ZNF211: variants seen among roughly 807,000 people sequenced by gnomAD.
ZNF211 encodes zinc finger protein 211, also known as zinc finger protein C2H2-25.
ZNF211 carries 18 observed loss-of-function variants against 12.1 expected under a neutral mutation model. The observed-to-expected ratio is 1.48, with a 90% confidence interval of 1.03 to 2.20. The LOEUF is 2.20. Among genes scored for constraint, ZNF211 ranks in the 30% most tolerant of loss-of-function variants. The pLI is 0.00. For synonymous variants in ZNF211, 249 were observed against 246.0 expected (o/e 1.01, Z -0.11); for missense variants, 677 against 703.1 (o/e 0.96, Z 0.42).
In ZNF211 at chr19:57,641,632, T is replaced by C. The variant is rs3746218; in HGVS notation, c.1185T>C (p.Phe395=). The change falls in exon 4 of 4, where the codon TTT becomes TTC. Residue 395 remains phenylalanine, a synonymous_variant. Transcript: ENST00000240731. Reference sequence around the variant, plus strand: ...GTGGGAAATCTTTTAGCCAAAACTTTAGCCTGATCTACCACCAGAGAGTTC... The same window carrying C: ...GTGGGAAATCTTTTAGCCAAAACTTCAGCCTGATCTACCACCAGAGAGTTC... The part of the protein sequence containing the change: ...SECGKSFSQN[F]SLIYHQRVHT... 0.16 allele frequency: 258,671 copies of C among 1,613,500 alleles called. 21,740 individuals are homozygous for C. Among genetic ancestry groups the C allele is most frequent in the East Asian group, 0.3 (13,338 of 44,802 alleles).
chr19:57,633,260 G>A lies in ZNF211; in HGVS notation c.-87G>A, dbSNP rs766394224. ...TCAGCCGCTTTGGTACGCTGCATCG[G>A]GATCGAAGTGACGGACCGTGAAGGC... On this transcript the variant is annotated 5_prime_UTR_variant, in exon 1 of 4. Coordinates refer to ENST00000240731, the MANE Select transcript of ZNF211 (RefSeq NM_006385.5). The A allele has an allele frequency of 6.1e-5, 78 of 1,284,044 alleles. No individual in the cohort carries two copies. The highest frequency in any genetic ancestry group is 7.7e-5 in the Non-Finnish European group (74 of 957,958). 79.5% of individuals were successfully genotyped at this position (1,284,044 alleles called of 1,614,324 possible).
chr19:57,641,350 T>A lies in ZNF211; in HGVS notation c.903T>A (p.Asn301Lys). 4 of 1,614,080 alleles carry A rather than the reference T, an allele frequency of 2.5e-6. No individual in the cohort carries two copies. The highest frequency in any genetic ancestry group is 2.2e-5 in the East Asian group (1 of 44,882). The change falls in exon 4 of 4, where the codon AAT (asparagine) becomes AAA (lysine). Residue 301 changes from asparagine to lysine, a missense_variant. Coordinates refer to ENST00000240731, the MANE Select transcript of ZNF211 (RefSeq NM_006385.5). Reference protein sequence around the residue: ...VHSEERPYECNECGKFFTYYS... With the variant: ...VHSEERPYECKECGKFFTYYS... ...GTGAAGAAAGGCCTTATGAATGCAA[T>A]GAATGTGGAAAATTCTTTACCTACT...
intron 3 of ZNF211, among the ~76,000 whole-genome samples, chr19:57,637,574 T>A (rs1982301084): frequency 6.6e-6 from 1 of 152,196 alleles, no homozygotes; most frequent in South Asian, 2.1e-4. Flanking sequence ...TGTTGAACCA[T>A]CCTTGCATTC....
At position 57,641,564 on chromosome 19, in the gene ZNF211, C is replaced by T. The variant is rs766356848; in HGVS notation, c.1117C>T (p.Arg373Cys). ...FSQRSNLMQH[R>C]RVHTGERPYE... Reference sequence around the variant, plus strand: ...CCAAAGGTCCAACCTCATGCAGCATCGCAGAGTTCACACTGGAGAAAGGCC... The same window carrying T: ...CCAAAGGTCCAACCTCATGCAGCATTGCAGAGTTCACACTGGAGAAAGGCC... The change falls in exon 4 of 4, where the codon CGC (arginine) becomes TGC (cysteine). Residue 373 changes from arginine (R) to cysteine (C), a missense_variant. Coordinates refer to ENST00000240731, the MANE Select transcript of ZNF211 (RefSeq NM_006385.5). The T allele has an allele frequency of 8.1e-6, 13 of 1,613,698 alleles. No individual in the cohort carries two copies. Among genetic ancestry groups the T allele is most frequent in the African/African-American group, 2.7e-5 (2 of 74,780 alleles).
intron 3 of ZNF211, among the ~76,000 whole-genome samples, chr19:57,636,191 G>A (rs760852909): frequency 1.5e-4 from 23 of 151,940 alleles, no homozygotes; most frequent in Non-Finnish European, 3.4e-4. Context: ...TATTCTGTGG[G>A]TTACGTTTTT....
chr19:57,639,201 G>A (rs1237255837), intron 3 of ZNF211, among the ~76,000 whole-genome samples: 2 of 151,922 alleles, frequency 1.3e-5, no homozygotes, highest in Non-Finnish European at 2.9e-5. Flanking sequence ...TAAGCTAAAA[G>A]TTGGGAGCAT....
chr19:57,633,608 G>A (rs1042061138), intron 1 of ZNF211, 172 bp downstream of exon 1: 16 of 1,529,786 alleles, frequency 1.0e-5, no homozygotes, highest in Admixed American at 2.0e-5. Flanking sequence ...GGACCGGCGC[G>A]TGCAGGGCTT....
chr19:57,641,698 A>G lies in ZNF211; in HGVS notation c.1251A>G (p.Lys417=). Residue 417 remains lysine, a synonymous_variant, in exon 4 of 4, where the codon AAA becomes AAG. Coordinates refer to ENST00000240731, the MANE Select transcript of ZNF211 (RefSeq NM_006385.5). Reference sequence around the variant, plus strand: ...CTCATGAGTGCAATGAATGTGGAAAATCCTTTAGCCGAAGCTCCAGCCTCA... The same window carrying G: ...CTCATGAGTGCAATGAATGTGGAAAGTCCTTTAGCCGAAGCTCCAGCCTCA... ...ERPHECNECG[K]SFSRSSSLIH... 1 of 1,614,102 alleles carries G rather than the reference A, an allele frequency of 6.2e-7. No homozygotes were observed. Among genetic ancestry groups the G allele is most frequent in the African/African-American group, 1.3e-5 (1 of 75,016 alleles).
chr19:57,634,499 G>T, intron 2 of ZNF211, 130 bp from the exon 3 acceptor site: 1 of 1,114,896 alleles, frequency 9.0e-7, no homozygotes, highest in East Asian at 2.7e-5. Context: ...AGAGACAGCA[G>T]GGATCAATGA....
In ZNF211 at chr19:57,643,227, T is replaced by C. The variant is rs1331589693; in HGVS notation, c.*1046T>C. 6.6e-6 allele frequency among the ~76,000 whole-genome samples: 1 copy of C among 151,952 alleles called. No homozygotes were observed. Among genetic ancestry groups the C allele is most frequent in the African/African-American group, 2.4e-5 (1 of 41,358 alleles). ...TCACTGTAAAATGATGGGGGAACCA[T>C]AATTGGTGTGGAAACACTGGGTTAC... On this transcript the variant is annotated 3_prime_UTR_variant, in exon 4 of 4. Coordinates refer to ENST00000240731, the MANE Select transcript of ZNF211 (RefSeq NM_006385.5).
At chr19:57,640,194 T>G in intron 3 of ZNF211, 1 of 1,148,080 alleles carries the variant, frequency 8.7e-7, no homozygotes. Context: ...TTTCTACTAC[T>G]TGTCATTTTT....
At position 57,642,287 on chromosome 19, in the gene ZNF211, C is replaced by G. The variant is rs1983082994; in HGVS notation, c.*106C>G. The G allele has an allele frequency of 7.8e-7, 1 of 1,275,168 alleles. No individual in the cohort carries two copies. The highest frequency in any genetic ancestry group is 1.1e-6 in the Non-Finnish European group (1 of 933,334). 79.0% of individuals were successfully genotyped at this position (1,275,168 alleles called of 1,614,324 possible). A position where few individuals can be genotyped will look rare whatever the true frequency, so the allele number is the denominator to read the frequency against. ...GGAAGCCCCAACATCTAAGGATATA[C>G]AGTGGGCGGATTCCCCTTAAGTTCC... On this transcript the variant is annotated 3_prime_UTR_variant, in exon 4 of 4. Coordinates refer to ENST00000240731, the MANE Select transcript of ZNF211 (RefSeq NM_006385.5).
chr19:57,639,408 CTTTTTTTTT>C (rs55696059), intron 3 of ZNF211, among the ~76,000 whole-genome samples: 1 of 20,758 alleles, frequency 4.8e-5, no homozygotes, highest in African/African-American at 2.1e-4. Flanking sequence ...CCTTTATGTA[CTTTTTTTTT>C]TTTTTTTTTT....
chr19:57,642,129 G>T lies in ZNF211; in HGVS notation c.1682G>T (p.Cys561Phe). The T allele has an allele frequency of 6.2e-7, 1 of 1,613,628 alleles. No homozygotes were observed. The highest frequency in any genetic ancestry group is 1.1e-5 in the South Asian group (1 of 91,048). Residue 561 changes from cysteine to phenylalanine, a missense_variant, in exon 4 of 4, where the codon TGC becomes TTC. By Grantham distance (205) the Cys-to-Phe change is radical. Transcript: ENST00000240731. ...QCSQCGKSFG[C>F]KSVLIQHQRV... ...AGTCAATGTGGGAAATCCTTTGGCT[G>T]CAAATCTGTCCTCATTCAACACCAG...
rs74960156 is a variant in ZNF211, at chr19:57,636,621, A to T, written c.256+1866A>T. 8.9e-3 allele frequency among the ~76,000 whole-genome samples: 1,358 copies of T among 152,244 alleles called. 20 individuals carry two copies. The highest frequency in any genetic ancestry group is 0.027 in the African/African-American group (1,102 of 41,542). On this transcript the variant is annotated intron_variant, in intron 3 of 3. Transcript: ENST00000240731. Reference sequence around the variant, plus strand: ...ACTGTTTTAATTTCTATAGCCTTGCAGTAAGTTTTGAAATTACGAACTGTG... The same window carrying T: ...ACTGTTTTAATTTCTATAGCCTTGCTGTAAGTTTTGAAATTACGAACTGTG...
At position 57,641,356 on chromosome 19, in the gene ZNF211, T is replaced by C. The variant is rs1982906903; in HGVS notation, c.909T>C (p.Cys303=). 6.2e-7 allele frequency: 1 copy of C among 1,614,218 alleles called. No individual in the cohort carries two copies. ...AAAGGCCTTATGAATGCAATGAATGTGGAAAATTCTTTACCTACTACTCCA... is the reference window on the plus strand; with the variant it reads ...AAAGGCCTTATGAATGCAATGAATGCGGAAAATTCTTTACCTACTACTCCA... ...SEERPYECNE[C]GKFFTYYSSF... Residue 303 remains cysteine (C), a synonymous_variant, in exon 4 of 4, where the codon TGT becomes TGC. Transcript: ENST00000240731.
chr19:57,635,083 ACATGAAAT>A, intron 3 of ZNF211: 1 of 536,828 alleles, frequency 1.9e-6, no homozygotes, highest in Non-Finnish European at 2.4e-6. Context: ...CTAGACTGTG[ACATGAAAT>A]GTAGTCACTG....
intron 2 of ZNF211, 28 bp from the exon 3 acceptor site, chr19:57,634,601 A>G: frequency 6.6e-7 from 1 of 1,524,830 alleles, no homozygotes; most frequent in Non-Finnish European, 8.8e-7. Context: ...GAGACTGTTC[A>G]TGGTTTCATC....
rs1434693558 is a variant in ZNF211, at chr19:57,641,486, G to A, written c.1039G>A (p.Val347Ile). The A allele has an allele frequency of 1.2e-6, 2 of 1,611,080 alleles. No homozygotes were observed. The highest frequency in any genetic ancestry group is 1.7e-6 in the Non-Finnish European group (2 of 1,178,002). The change falls in exon 4 of 4, where the codon GTT becomes ATT. Residue 347 changes from valine to isoleucine, a missense_variant. Coordinates refer to ENST00000240731, the MANE Select transcript of ZNF211 (RefSeq NM_006385.5). The part of the protein sequence containing the change: ...QIYSLNSHRK[V>I]HTGERPYECG... ...ATACAGCCTCAATAGCCATAGGAAAGTTCACACTGGAGAAAGGCCTTATGA... is the reference window on the plus strand; with the variant it reads ...ATACAGCCTCAATAGCCATAGGAAAATTCACACTGGAGAAAGGCCTTATGA...
Sources: gnomAD v4.1 joint callset for allele counts (sites outside exome capture counted in the v4.1 genomes callset) on GRCh38, gnomAD v4.1.1 for gene constraint, MANE v1.5 for transcripts, NCBI Gene and HGNC (gene_info 2026-07-23, HGNC 2026-07-21) for gene names.